BICD1: variants seen among roughly 807,000 people sequenced by gnomAD.
The protein encoded by BICD1 is protein bicaudal D homolog 1.
BICD1 carries 35 observed loss-of-function variants against 92.5 expected under a neutral mutation model. The ratio of observed to expected loss-of-function variants is 0.38; its 90% CI spans 0.29 to 0.50. BICD1 has a LOEUF of 0.50. Ranked by LOEUF, BICD1 falls within the 20% of genes least tolerant of loss-of-function variation. BICD1 has a pLI of 0.93. For missense variants in BICD1, 950 were observed against 1,189.8 expected, an observed-to-expected ratio of 0.80 and a Z score of 2.97; for synonymous variants, 429 against 465.1, an observed-to-expected ratio of 0.92 and a Z score of 1.00.
At chr12:32,334,809 C>A in intron 6 of BICD1, 142 bp downstream of exon 6, 1 of 894,510 alleles carries the variant, frequency 1.1e-6, no homozygotes, top group Non-Finnish European at 1.6e-6. Context: ...TGGAAGTCCA[C>A]TCTGACGTAT....
chr12:32,258,476 T>C (rs1175162023), intron 2 of BICD1, among the ~76,000 whole-genome samples: 1 of 151,976 alleles, frequency 6.6e-6, no homozygotes, highest in Non-Finnish European at 1.5e-5. Context: ...ACGAGAGATC[T>C]AAGAAATAAA....
intron 4 of BICD1, among the ~76,000 whole-genome samples, chr12:32,306,740 C>T (rs1439894780): frequency 1.3e-5 from 2 of 151,630 alleles, no homozygotes; most frequent in Non-Finnish European, 2.9e-5. Flanking sequence ...TTGGGCCGGG[C>T]GCGGTGGCTT....
At chr12:32,332,941 G>A (rs1937941198) in intron 5 of BICD1, 1 of 985,168 alleles carries the variant, frequency 1.0e-6, no homozygotes, top group Non-Finnish European at 1.2e-6. Context: ...AGTGAGTTAT[G>A]GATACTTAAA....
intron 2 of BICD1, among the ~76,000 whole-genome samples, chr12:32,238,966 G>C (rs917665904): frequency 7.6e-6 from 1 of 132,426 alleles, no homozygotes; most frequent in South Asian, 2.3e-4. Flanking sequence ...AAAAAAAAAG[G>C]CTGGGCGCAG....
intron 2 of BICD1, among the ~76,000 whole-genome samples, chr12:32,243,155 T>G (rs1946279433): frequency 6.6e-6 from 1 of 151,726 alleles, no homozygotes; most frequent in African/African-American, 2.4e-5. Context: ...CGGAGTGCAG[T>G]GGTACGATCT....
chr12:32,201,345 C>T (rs543122753), intron 1 of BICD1, among the ~76,000 whole-genome samples: 61 of 152,290 alleles, frequency 4.0e-4, no homozygotes, highest in African/African-American at 1.4e-3. Flanking sequence ...AAAGGATAGA[C>T]GTGCTTTTAT....
In BICD1 at chr12:32,198,695, C is replaced by T. The variant is rs553006591; in HGVS notation, c.214-17552C>T. 3.9e-5 allele frequency among the ~76,000 whole-genome samples: 6 copies of T among 152,116 alleles called. No homozygotes were observed. The South Asian group carries it at 1.2e-3, about 32-fold the overall frequency. On this transcript the variant is annotated intron_variant, in intron 1 of 9. Transcript: ENST00000652176. Reference sequence around the variant, plus strand: ...TTGTACACAAGAACTGTCCACCTCTCTCCTCCTGCCGTCAAGGGTGTTGCT... The same window carrying T: ...TTGTACACAAGAACTGTCCACCTCTTTCCTCCTGCCGTCAAGGGTGTTGCT...
rs1253152252 is a variant in BICD1 at position 32,306,051 on chromosome 12, A to G, written c.934A>G (p.Asn312Asp). The G allele has an allele frequency of 6.2e-7, 1 of 1,614,082 alleles. No homozygotes were observed. The highest frequency in any genetic ancestry group is 1.7e-5 in the Admixed American group (1 of 60,000). Residue 312 changes from asparagine (N) to aspartate (D), a missense_variant, in exon 4 of 10, where the codon AAC becomes GAC. By Grantham distance (23) the Asn-to-Asp change is conservative. Coordinates refer to ENST00000652176, the MANE Select transcript of BICD1 (RefSeq NM_001714.4). ...CACCTTAAGGAAAGGAGAGTCTCTG[A>G]ACCCTGTCTCTGACTTATTCAGTGA... The part of the protein sequence containing the change: ...TPTLRKGESL[N>D]PVSDLFSELN...
At chr12:32,174,159 C>T (rs1418464090) in intron 1 of BICD1, among the ~76,000 whole-genome samples, 1 of 151,982 alleles carries the variant, frequency 6.6e-6, no homozygotes, top group Non-Finnish European at 1.5e-5. Flanking sequence ...TGTACTCTTT[C>T]TCTGTGGGCT....
chr12:32,188,527 C>G (rs1033224822), intron 1 of BICD1, among the ~76,000 whole-genome samples: 9 of 152,150 alleles, frequency 5.9e-5, no homozygotes, highest in African/African-American at 2.2e-4. Context: ...GTTTACAATT[C>G]AAAACCCATA....
chr12:32,380,968 CAT>C lies in BICD1; in HGVS notation c.*3343_*3344del, dbSNP rs2136354812. ...GGAAATTAACGTGGAAATTGATAATCATAAAGAATATTTGTTTTGTAAAAATT... is the reference window on the plus strand; with the variant it reads ...GGAAATTAACGTGGAAATTGATAATCAAAGAATATTTGTTTTGTAAAAATT... On this transcript the variant is annotated 3_prime_UTR_variant, in exon 10 of 10. Transcript: ENST00000652176. The C allele has an allele frequency of 6.6e-6, 1 of 152,066 alleles. No homozygotes were observed. Among genetic ancestry groups the C allele is most frequent in the East Asian group, 1.9e-4 (1 of 5,182 alleles). 9.4% of individuals were successfully genotyped at this position (152,066 alleles called of 1,614,324 possible).
At chr12:32,155,240 T>G (rs1235770262) in intron 1 of BICD1, among the ~76,000 whole-genome samples, 1 of 152,242 alleles carries the variant, frequency 6.6e-6, no homozygotes, top group Non-Finnish European at 1.5e-5. Context: ...AGCAATCATT[T>G]ACACTTGTTA....
chr12:32,265,947 G>A (rs1946984261), intron 2 of BICD1, among the ~76,000 whole-genome samples: 2 of 152,126 alleles, frequency 1.3e-5, no homozygotes, highest in Admixed American at 6.6e-5. Flanking sequence ...CGGCTTGTTA[G>A]GCAGCATGAT....
At chr12:32,115,993 C>A (rs2121177827) in intron 1 of BICD1, among the ~76,000 whole-genome samples, 1 of 152,170 alleles carries the variant, frequency 6.6e-6, no homozygotes, top group East Asian at 1.9e-4. Flanking sequence ...TATACAACAT[C>A]TCAGATTCAG....
chr12:32,352,158 T>G (rs1418676904), intron 8 of BICD1, among the ~76,000 whole-genome samples: 1 of 151,626 alleles, frequency 6.6e-6, no homozygotes, highest in Non-Finnish European at 1.5e-5. Context: ...TGAGCCGAGA[T>G]CGTGCCTCTG....
At chr12:32,164,637 A>G (rs1430753190) in intron 1 of BICD1, among the ~76,000 whole-genome samples, 4 of 152,214 alleles carry the variant, frequency 2.6e-5, no homozygotes, top group Admixed American at 1.3e-4. Flanking sequence ...AGCCAAATAT[A>G]ACCTGTCCCT....
intron 4 of BICD1, among the ~76,000 whole-genome samples, chr12:32,308,368 C>T (rs1429037536): frequency 1.3e-5 from 2 of 152,164 alleles, no homozygotes; most frequent in African/African-American, 4.8e-5. Flanking sequence ...CACTAGTTGA[C>T]AGTCATTCTT....
At chr12:32,354,301 C>T (rs777190871) in intron 8 of BICD1, among the ~76,000 whole-genome samples, 5 of 152,282 alleles carry the variant, frequency 3.3e-5, no homozygotes, top group South Asian at 2.1e-4. Flanking sequence ...TCGCTGAAGA[C>T]GACTTTCATG....
intron 4 of BICD1, among the ~76,000 whole-genome samples, chr12:32,326,176 A>T (rs1948774324): frequency 6.6e-6 from 1 of 151,868 alleles, no homozygotes; most frequent in Non-Finnish European, 1.5e-5. Context: ...AGCAGATCTC[A>T]TGATGGTTTA....
Sources: allele counts gnomAD v4.1 joint callset (sites outside exome capture counted in the v4.1 genomes callset), GRCh38; gene constraint gnomAD v4.1.1; transcripts MANE v1.5; gene names NCBI Gene and HGNC (gene_info 2026-07-23, HGNC 2026-07-21).